Variants in ANKRD28 observed in about 807,000 individuals in gnomAD.
The protein encoded by ANKRD28 is ankyrin repeat domain 28.
ANKRD28 carries 44 observed loss-of-function variants against 126.5 expected under a neutral mutation model. The observed-to-expected ratio is 0.35, with a 90% CI of 0.27 to 0.45. The LOEUF (loss-of-function observed/expected upper bound fraction) is 0.45, where lower values mean the gene tolerates loss of function less well. ANKRD28 is among the 20% of genes least tolerant of loss of function. ANKRD28 has a pLI of 1.00. For synonymous variants in ANKRD28, 442 were observed against 468.5 expected, an observed-to-expected ratio of 0.94 and a Z score of 0.73; for missense variants, 1,110 against 1,316.6, an observed-to-expected ratio of 0.84 and a Z score of 2.43.
intron 21 of ANKRD28, among the ~76,000 whole-genome samples, chr3:15,679,932 T>C (rs1199076048): frequency 2.6e-5 from 4 of 151,868 alleles, no homozygotes; most frequent in African/African-American, 7.3e-5. Flanking sequence ...TTACATTACA[T>C]TGGTTATTAT....
Position 15,843,035 on chromosome 3 carries a change from G to A in ANKRD28, c.27+16342C>T, listed in dbSNP as rs1040902169. Among the ~76,000 whole-genome samples, 1 of 152,096 alleles carries A rather than the reference G, an allele frequency of 6.6e-6. No individual in the cohort carries two copies. The highest frequency in any genetic ancestry group is 2.4e-5 in the African/African-American group (1 of 41,398). ...TGCTATAAAGAAATATCCAAGACTG[G>A]GTAATTTATAAGAAAAGAGGTTTAA... On this transcript the variant is annotated intron_variant, in intron 1 of 27. Coordinates refer to the ANKRD28 transcript ENST00000399451. This position sits in a 1 kb window ranked among gnomAD's most constrained non-coding sequence, Gnocchi z 5.2.
At chr3:15,798,090 C>T (rs1371120187), upstream of ANKRD28, 2 of 985,222 alleles carry the variant, frequency 2.0e-6, no homozygotes, top group East Asian at 1.1e-4. Context: ...CCAAATCAAA[C>T]TAAAAAATTC....
rs1288008195 is a variant in ANKRD28, at chr3:15,833,890, C to T, written c.27+25487G>A. Among the ~76,000 whole-genome samples, 1 of 151,966 alleles carries T rather than the reference C, an allele frequency of 6.6e-6. No individual in the cohort carries two copies. The highest frequency in any genetic ancestry group is 2.4e-5 in the African/African-American group (1 of 41,364). ...TGTTTTTTGGCCACTTGTATGTCTT[C>T]TTTTGGAAAATGTCTGTTTGTGTTA... On this transcript the variant is annotated intron_variant, in intron 1 of 27. Transcript: ENST00000399451. The surrounding 1 kb of genome is among the most constrained non-coding windows in gnomAD (Gnocchi z 4.4).
chr3:15,802,366 T>C (rs2125856073), upstream of ANKRD28, among the ~76,000 whole-genome samples: 1 of 152,338 alleles, frequency 6.6e-6, no homozygotes, highest in Middle Eastern at 3.4e-3. Context: ...GACTGTCTAC[T>C]TTCTGACTTT....
Position 15,838,697 on chromosome 3 carries a change from G to A in ANKRD28, c.27+20680C>T, listed in dbSNP as rs141126248. Among the ~76,000 whole-genome samples the A allele has an allele frequency of 8.1e-4, 123 of 151,764 alleles. No individual in the cohort carries two copies. The highest frequency in any genetic ancestry group is 2.8e-3 in the African/African-American group (116 of 41,370). Reference sequence around the variant, plus strand: ...CAGGAGGTAGAGGTTGCAGTGAGCCGGGACCACGCCACTGCACTCCAGCCT... The same window carrying A: ...CAGGAGGTAGAGGTTGCAGTGAGCCAGGACCACGCCACTGCACTCCAGCCT... On this transcript the variant is annotated intron_variant, in intron 1 of 27. Transcript: ENST00000399451. This position sits in a 1 kb window ranked among gnomAD's most constrained non-coding sequence, Gnocchi z 4.0.
At chr3:15,857,574 C>T (rs955830830) in intron 1 of ANKRD28, among the ~76,000 whole-genome samples, 5 of 152,206 alleles carry the variant, frequency 3.3e-5, no homozygotes, top group South Asian at 4.1e-4. Flanking sequence ...CGTGAGCCAC[C>T]GCGCCTGGCC....
Position 15,815,793 on chromosome 3 carries a change from T to C in ANKRD28, c.28-20487A>G, listed in dbSNP as rs2060820644. On this transcript the variant is annotated intron_variant, in intron 1 of 27. Transcript: ENST00000399451. This position sits in a 1 kb window ranked among gnomAD's most constrained non-coding sequence, Gnocchi z 4.1. ...TATTTCTTCCCTTGTCAAAATTATT[T>C]ATGAACAAATCAACCTCATCAGAAA... 2.0e-5 allele frequency among the ~76,000 whole-genome samples: 3 copies of C among 152,200 alleles called. No homozygotes were observed. In the South Asian group the frequency reaches 6.2e-4, roughly 31 times the overall value.
rs144164363 is a variant in ANKRD28, at chr3:15,792,060, C to A, written c.201+3163G>T. ...TTGTCCCAGTTAAAATGCCTTTTATCCAAAAGTCAGGCAGTAACAAATGCT... is the reference window on the plus strand; with the variant it reads ...TTGTCCCAGTTAAAATGCCTTTTATACAAAAGTCAGGCAGTAACAAATGCT... On this transcript the variant is annotated intron_variant, in intron 2 of 27. Transcript: ENST00000683139. Among the ~76,000 whole-genome samples, 33 of 152,186 alleles carry A rather than the reference C, an allele frequency of 2.2e-4. 1 individual carries two copies. The highest frequency in any genetic ancestry group is 8.0e-4 in the African/African-American group (33 of 41,508).
intron 1 of ANKRD28, among the ~76,000 whole-genome samples, chr3:15,834,689 C>T (rs955527258): frequency 6.6e-5 from 10 of 152,064 alleles, no homozygotes; most frequent in Non-Finnish European, 1.3e-4. Flanking sequence ...AAACTGGTAG[C>T]AAAACCCAGG....
chr3:15,789,861 C>T (rs2059946698), intron 2 of ANKRD28, among the ~76,000 whole-genome samples: 1 of 151,718 alleles, frequency 6.6e-6, no homozygotes, highest in Non-Finnish European at 1.5e-5. Context: ...ATACAATTGA[C>T]AAATCTTTAG....
intron 16 of ANKRD28, 42 bp downstream of exon 16, chr3:15,695,146 T>C (rs191800621): frequency 1.3e-6 from 2 of 1,482,548 alleles, no homozygotes; most frequent in Non-Finnish European, 1.9e-6. Flanking sequence ...AGGAGGGAAC[T>C]GACCAATACT....
At chr3:15,856,552 G>GA (rs2061771792) in intron 1 of ANKRD28, among the ~76,000 whole-genome samples, 1 of 151,970 alleles carries the variant, frequency 6.6e-6, no homozygotes, top group African/African-American at 2.4e-5. Context: ...AAAATTCAAG[G>GA]AAAAAATGTG....
intron 2 of ANKRD28, among the ~76,000 whole-genome samples, chr3:15,773,324 T>A (rs1204378521): frequency 2.0e-5 from 3 of 152,102 alleles, no homozygotes; most frequent in Admixed American, 6.5e-5. Flanking sequence ...ATAAATCTAA[T>A]AAAAATTTGC....
In ANKRD28 at chr3:15,840,179, C is replaced by T. The variant is rs1400147452; in HGVS notation, c.27+19198G>A. On this transcript the variant is annotated intron_variant, in intron 1 of 27. Transcript: ENST00000399451. ...TCCACACACAAAAAAACTATTAGAACTGATAAATTCAGTAAAGTTGCAAGA... is the reference window on the plus strand; with the variant it reads ...TCCACACACAAAAAAACTATTAGAATTGATAAATTCAGTAAAGTTGCAAGA... 3.3e-5 allele frequency among the ~76,000 whole-genome samples: 5 copies of T among 152,188 alleles called. No homozygotes were observed. In the South Asian group the frequency reaches 6.2e-4, roughly 19 times the overall value.
intron 7 of ANKRD28, among the ~76,000 whole-genome samples, chr3:15,722,288 T>C (rs1294789003): frequency 2.6e-5 from 4 of 152,122 alleles, no homozygotes; most frequent in African/African-American, 9.7e-5. Context: ...GGAGCCCCAA[T>C]AAAAACCGAA....
chr3:15,674,435 T>A (rs1056781426), intron 27 of ANKRD28, among the ~76,000 whole-genome samples: 1 of 152,114 alleles, frequency 6.6e-6, no homozygotes, highest in African/African-American at 2.4e-5. Context: ...GGAGAGAGCA[T>A]GATGCTGTGG....
At chr3:15,757,830 T>C (rs1051927029) in intron 3 of ANKRD28, among the ~76,000 whole-genome samples, 1 of 152,194 alleles carries the variant, frequency 6.6e-6, no homozygotes, top group Non-Finnish European at 1.5e-5. Context: ...AAGATCTATG[T>C]TAGGGGTCTT....
chr3:15,705,824 A>C (rs987940860), intron 14 of ANKRD28, among the ~76,000 whole-genome samples: 5 of 151,680 alleles, frequency 3.3e-5, no homozygotes, highest in African/African-American at 1.2e-4. Context: ...AACATGGTGA[A>C]TCTGTCTCTA....
At chr3:15,740,741 C>T (rs2075393525) in intron 4 of ANKRD28, among the ~76,000 whole-genome samples, 1 of 152,154 alleles carries the variant, frequency 6.6e-6, no homozygotes. Context: ...ATCAATTCTA[C>T]TTTTTTGTTT....
Sources: allele counts gnomAD v4.1 joint callset (sites outside exome capture counted in the v4.1 genomes callset), GRCh38; gene constraint gnomAD v4.1.1; non-coding constraint Gnocchi (gnomAD v3.1); transcripts MANE v1.5; gene names NCBI Gene and HGNC (gene_info 2026-07-23, HGNC 2026-07-21).